The following GATAD2B variants were observed in gnomAD, a reference collection of about 807,000 sequenced individuals.
GATAD2B encodes the protein transcriptional repressor p66-beta.
Under a neutral mutation model 64.3 loss-of-function variants are expected in GATAD2B, and 8 were observed. That is an observed-to-expected ratio of 0.12 (90% CI 0.07 to 0.22). The LOEUF (loss-of-function observed/expected upper bound fraction) is 0.22. GATAD2B is among the 10% of genes least tolerant of loss of function. GATAD2B has a pLI of 1.00. For missense variants in GATAD2B, 453 were observed against 752.0 expected (o/e 0.60, Z 4.65); for synonymous variants, 281 against 271.3 (o/e 1.04, Z -0.35).
chr1:153,823,562 C>T (rs1674757463), intron 2 of GATAD2B, among the ~76,000 whole-genome samples: 1 of 152,138 alleles, frequency 6.6e-6, no homozygotes, highest in South Asian at 2.1e-4. Context: ...GTTGCCCAGA[C>T]AGAGCTCAAA....
intron 1 of GATAD2B, among the ~76,000 whole-genome samples, chr1:153,873,326 G>A (rs1203095526): frequency 6.6e-6 from 1 of 152,052 alleles, no homozygotes; most frequent in Admixed American, 6.6e-5. Context: ...TTTGTACTTC[G>A]CTTTAATACC....
At chr1:153,847,924 A>G (rs1354610608) in intron 1 of GATAD2B, among the ~76,000 whole-genome samples, 1 of 152,196 alleles carries the variant, frequency 6.6e-6, no homozygotes, top group Non-Finnish European at 1.5e-5. Context: ...TCCAAAGCAG[A>G]TCAACTTTGG....
chr1:153,830,862 A>G (rs1376901832), intron 1 of GATAD2B, among the ~76,000 whole-genome samples: 6 of 152,090 alleles, frequency 3.9e-5, no homozygotes, highest in Non-Finnish European at 1.5e-5. Context: ...TTGCAGCTTC[A>G]AACTCTAGGG....
intron 1 of GATAD2B, chr1:153,886,293 C>G (rs1406047364): frequency 6.6e-6 from 1 of 152,168 alleles, no homozygotes; most frequent in Non-Finnish European, 1.5e-5. Context: ...GATGGTATAG[C>G]CTATTGCTCC....
At chr1:153,822,557 G>C (rs1674719449) in intron 2 of GATAD2B, among the ~76,000 whole-genome samples, 1 of 152,126 alleles carries the variant, frequency 6.6e-6, no homozygotes, top group South Asian at 2.1e-4. Context: ...CTGTCACCGG[G>C]GCTGGAGGGC....
At chr1:153,813,509 T>C in intron 7 of GATAD2B, 57 bp from the exon 8 acceptor site, 1 of 1,158,608 alleles carries the variant, frequency 8.6e-7, no homozygotes, top group Non-Finnish European at 1.3e-6. Context: ...TCTGTTTCTC[T>C]TAATCAAATA....
intron 1 of GATAD2B, among the ~76,000 whole-genome samples, chr1:153,886,817 C>G (rs1399542419): frequency 6.6e-6 from 1 of 151,996 alleles, no homozygotes; most frequent in African/African-American, 2.4e-5. Context: ...CCTCAGCCTC[C>G]CAAAGCACTG....
intron 1 of GATAD2B, among the ~76,000 whole-genome samples, chr1:153,858,770 T>C (rs6700451): frequency 0.27 from 41,077 of 151,880 alleles, 6,102 homozygotes; most frequent in Admixed American, 0.38. Context: ...CATATGTATG[T>C]GGGTATATAT....
chr1:153,898,318 A>AG (rs900620716), intron 1 of GATAD2B, among the ~76,000 whole-genome samples: 9 of 148,998 alleles, frequency 6.0e-5, no homozygotes, highest in South Asian at 4.2e-4. Flanking sequence ...AAAAAAAAAA[A>AG]AAAAAGAAAA....
At chr1:153,861,915 A>G (rs1326573171) in intron 1 of GATAD2B, among the ~76,000 whole-genome samples, 1 of 149,014 alleles carries the variant, frequency 6.7e-6, no homozygotes, top group Non-Finnish European at 1.5e-5. Context: ...TTAGAGAAGG[A>G]CTGCACAAGT....
At chr1:153,843,882 G>A (rs961424189) in intron 1 of GATAD2B, among the ~76,000 whole-genome samples, 1 of 151,068 alleles carries the variant, frequency 6.6e-6, no homozygotes, top group African/African-American at 2.4e-5. Flanking sequence ...TGGACATCAG[G>A]CAACAATGGA....
intron 1 of GATAD2B, among the ~76,000 whole-genome samples, chr1:153,845,979 C>G (rs1675673778): frequency 8.3e-6 from 1 of 120,100 alleles, no homozygotes; most frequent in Non-Finnish European, 1.7e-5. Context: ...CCCTTAATAA[C>G]TTTTTTTGCC....
At chr1:153,866,110 A>G (rs944492320) in intron 1 of GATAD2B, among the ~76,000 whole-genome samples, 20 of 151,622 alleles carry the variant, frequency 1.3e-4, no homozygotes, top group African/African-American at 4.6e-4. Flanking sequence ...AGACAGAGGC[A>G]GAACAATCGC....
At chr1:153,913,675 T>C (rs1381090942) in intron 1 of GATAD2B, among the ~76,000 whole-genome samples, 7 of 151,912 alleles carry the variant, frequency 4.6e-5, no homozygotes, top group East Asian at 1.9e-4. Flanking sequence ...TCTCAGCACT[T>C]TGGGAGGCCA....
intron 1 of GATAD2B, chr1:153,852,680 CT>C: frequency 1.1e-6 from 1 of 906,800 alleles, no homozygotes; most frequent in Non-Finnish European, 1.9e-6. Flanking sequence ...GGCTTTTTTG[CT>C]TAGCTTCTTT....
chr1:153,902,126 C>T (rs924054689), intron 1 of GATAD2B, among the ~76,000 whole-genome samples: 12 of 151,784 alleles, frequency 7.9e-5, no homozygotes, highest in Non-Finnish European at 1.6e-4. Context: ...ACTAAACATA[C>T]AAAATTAGCT....
chr1:153,881,194 T>C (rs371649902), intron 1 of GATAD2B, among the ~76,000 whole-genome samples: 2 of 152,100 alleles, frequency 1.3e-5, no homozygotes, highest in South Asian at 2.1e-4. Context: ...GCCCCTGGCA[T>C]GATGCCAACA....
In GATAD2B at chr1:153,828,238, T is replaced by C. The variant is rs111589074; in HGVS notation, c.110A>G (p.His37Arg). Residue 37 changes from histidine to arginine, a missense_variant, in exon 2 of 11, where the codon CAT (histidine) becomes CGT (arginine). Physicochemically the swap from His to Arg is conservative, Grantham distance 29 (BLOSUM62 0). Transcript: ENST00000368655. The stretch of plus-strand genomic sequence containing the variant: ...CATTTTCAGACGTTCCATGGCCTCA[T>C]GCCCCTCCATTTTGAGTCGCTTTGC... ...VLAKRLKMEGHEAMERLKMLA... is the reference protein window; with the variant it reads ...VLAKRLKMEGREAMERLKMLA... 9 of 1,614,214 alleles carry C rather than the reference T, an allele frequency of 5.6e-6. No individual in the cohort carries two copies. Among genetic ancestry groups the C allele is most frequent in the South Asian group, 2.2e-5 (2 of 91,090 alleles).
intron 1 of GATAD2B, among the ~76,000 whole-genome samples, chr1:153,851,172 T>C (rs1351503881): frequency 2.6e-5 from 4 of 152,190 alleles, no homozygotes; most frequent in African/African-American, 9.7e-5. Context: ...TCTGACTAGA[T>C]ACCTCACATA....
Sources: gnomAD v4.1 joint callset for allele counts (sites outside exome capture counted in the v4.1 genomes callset) on GRCh38, gnomAD v4.1.1 for gene constraint, MANE v1.5 for transcripts, NCBI Gene and HGNC (gene_info 2026-07-23, HGNC 2026-07-21) for gene names.